Variants in MYO1C observed in about 807,000 individuals in gnomAD.
The protein encoded by MYO1C is unconventional myosin-Ic.
In MYO1C, 104 loss-of-function variants were observed where a neutral mutation model predicts 150.8. The observed-to-expected ratio is 0.69, with a 90% CI of 0.59 to 0.81. MYO1C has a LOEUF of 0.81. Ranked by LOEUF, MYO1C falls within the 30% of genes least tolerant of loss-of-function variation. The pLI, the probability that MYO1C is intolerant of heterozygous loss-of-function variation, is 0.00. For synonymous variants in MYO1C, 663 were observed against 579.9 expected (o/e 1.14, Z -2.06); for missense variants, 1,504 against 1,435.0 (o/e 1.05, Z -0.78).
Position 1,465,598 on chromosome 17 carries a change from G to A in MYO1C, c.*128C>T. The A allele has an allele frequency of 2.0e-6, 2 of 987,894 alleles. No homozygotes were observed. The highest frequency in any genetic ancestry group is 2.8e-6 in the Non-Finnish European group (2 of 722,934). 61.2% of individuals were successfully genotyped at this position (987,894 alleles called of 1,614,324 possible). ...TCAAGAGAGGGATGGGCAGGAGGTG[G>A]GAGATTGCAGGTGGGCTTCGGGGTG... On this transcript the variant is annotated 3_prime_UTR_variant, in exon 32 of 32. Transcript: ENST00000648651.
intron 14 of MYO1C, 120 bp downstream of exon 14, chr17:1,477,385 A>G: frequency 2.2e-6 from 2 of 905,834 alleles, no homozygotes; most frequent in South Asian, 1.4e-5. Flanking sequence ...TCCTTAACTC[A>G]GCACCGTCCC....
intron 17 of MYO1C, 85 bp from the exon 18 acceptor site, chr17:1,472,313 G>A (rs553695328): frequency 9.1e-5 from 107 of 1,177,986 alleles, no homozygotes; most frequent in Admixed American, 7.2e-4. Context: ...TCCCCTGGCT[G>A]GTGACGCGCG....
In MYO1C at chr17:1,485,912, G is replaced by A. The variant is rs972795824; in HGVS notation, c.76-1609C>T. On this transcript the variant is annotated intron_variant, in intron 1 of 31. Coordinates refer to ENST00000648651, the MANE Select transcript of MYO1C (RefSeq NM_001080779.2). The stretch of plus-strand genomic sequence containing the variant: ...CCCTCCAGGTGGGGTTGGTGGAGGT[G>A]GGGGTGTCGGGGCGGGGGGTCCGCG... The A allele has an allele frequency of 2.9e-3, 473 of 162,414 alleles. 1 individual carries two copies. Among genetic ancestry groups the A allele is most frequent in the Non-Finnish European group, 4.4e-3 (337 of 76,222 alleles). The allele number at this position is 162,414 out of a possible 1,614,324, so 10.1% of individuals were successfully genotyped here. A position where few individuals can be genotyped will look rare whatever the true frequency, so the allele number is the denominator to read the frequency against.
rs147233268 is a variant in MYO1C, at chr17:1,468,305, G to A, written c.2708C>T (p.Thr903Ile). 6.2e-7 allele frequency: 1 copy of A among 1,614,012 alleles called. No homozygotes were observed. Among genetic ancestry groups the A allele is most frequent in the Non-Finnish European group, 8.5e-7 (1 of 1,180,024 alleles). ...CAGCACTCGGGGGCTGATCTCATCT[G>A]TACCTGCAACTCAGATGGCGGGGAG... Reference protein sequence around the residue: ...PRLFISTRLGTDEISPRVLQA... With the variant: ...PRLFISTRLGIDEISPRVLQA... Residue 903 changes from threonine (T) to isoleucine (I), a missense_variant, in exon 27 of 32, where the codon ACA becomes ATA. Coordinates refer to ENST00000648651, the MANE Select transcript of MYO1C (RefSeq NM_001080779.2).
At position 1,472,024 on chromosome 17, in the gene MYO1C, C is replaced by T. The variant is rs750635346; in HGVS notation, c.1904G>A (p.Gly635Asp). 1.2e-6 allele frequency: 2 copies of T among 1,614,006 alleles called. No homozygotes were observed. Among genetic ancestry groups the T allele is most frequent in the South Asian group, 1.1e-5 (1 of 91,082 alleles). The change falls in exon 19 of 32, where the codon GGC becomes GAC. Residue 635 changes from glycine (G) to aspartate (D), a missense_variant and splice_region_variant. Physicochemically the swap from Gly to Asp is moderately conservative, Grantham distance 94. Coordinates refer to ENST00000648651, the MANE Select transcript of MYO1C (RefSeq NM_001080779.2). ...GCGGATCAGCACCTCGTCAAAGCGG[C>T]CTGGGGTAGGGGGAGCGCCGTGGTC... is the stretch of plus-strand genomic sequence containing the variant. Reference protein sequence around the residue: ...CIKPNDAKQPGRFDEVLIRHQ... With the variant: ...CIKPNDAKQPDRFDEVLIRHQ...
chr17:1,481,282 C>T (rs568347532), intron 5 of MYO1C: 4 of 266,000 alleles, frequency 1.5e-5, no homozygotes, highest in African/African-American at 8.8e-5. Context: ...TTCTCCAAAC[C>T]CTACATCCAA....
At chr17:1,470,087 T>C in intron 24 of MYO1C, 88 bp downstream of exon 24, 1 of 1,400,898 alleles carries the variant, frequency 7.1e-7, no homozygotes, top group Admixed American at 2.3e-5. Context: ...CCGTGAGCCC[T>C]CCCTGACCAA....
chr17:1,472,300 C>A, intron 17 of MYO1C, 72 bp from the exon 18 acceptor site: 1 of 1,355,840 alleles, frequency 7.4e-7, no homozygotes, highest in Admixed American at 1.7e-5. Context: ...GCGAGTACCC[C>A]ACTCCCCTGG....
intron 25 of MYO1C, chr17:1,469,250 G>A (rs1203904388): frequency 2.1e-6 from 1 of 478,288 alleles, no homozygotes; most frequent in Admixed American, 3.1e-5. Flanking sequence ...ACTATAGACG[G>A]GGTAAATACA....
At chr17:1,489,134 C>T (rs142193601) in intron 1 of MYO1C, among the ~76,000 whole-genome samples, 224 of 152,318 alleles carry the variant, frequency 1.5e-3, no homozygotes, top group Middle Eastern at 0.014. Flanking sequence ...GCTTGTCTCA[C>T]GGGTGGCACA....
rs746954374 is a variant in MYO1C, at chr17:1,470,223, C to T, written c.2478G>A (p.Gln826=). Residue 826 remains glutamine, a synonymous_variant, in exon 24 of 32, where the codon CAG becomes CAA. Coordinates refer to ENST00000648651, the MANE Select transcript of MYO1C (RefSeq NM_001080779.2). ...FLLNLRRQLP[Q]NVLDTSWPTP... ...TGGGCCACGAGGTGTCCAGGACATT[C>T]TGGGGCAGCTGCCGCCTCAGGTTTA... The T allele has an allele frequency of 5.2e-4, 834 of 1,611,468 alleles. No individual in the cohort carries two copies. The highest frequency in any genetic ancestry group is 6.7e-4 in the Non-Finnish European group (792 of 1,179,466).
At position 1,488,258 on chromosome 17, in the gene MYO1C, T is replaced by C. The variant is rs549470252; in HGVS notation, c.76-3955A>G. On this transcript the variant is annotated intron_variant, in intron 1 of 31. Transcript: ENST00000648651. ...GGGCCGCGCCGCCGCATTCCCGGGA[T>C]GCCCGCTGGCGCCCCCGCAGCCACC... Among the ~76,000 whole-genome samples the C allele has an allele frequency of 5.6e-3, 856 of 152,080 alleles. 8 individuals are homozygous for C. The highest frequency in any genetic ancestry group is 0.019 in the African/African-American group (806 of 41,524).
chr17:1,471,006 G>A, intron 21 of MYO1C, 65 bp downstream of exon 21: 2 of 1,543,236 alleles, frequency 1.3e-6, no homozygotes, highest in Non-Finnish European at 1.8e-6. Context: ...AGGAGCCCAA[G>A]GGAGTGACTT....
chr17:1,481,046 A>C, intron 5 of MYO1C, 161 bp from the exon 6 acceptor site: 1 of 672,248 alleles, frequency 1.5e-6, no homozygotes, highest in South Asian at 1.9e-5. Flanking sequence ...CCCACGCTGG[A>C]CTCAGTTACT....
Position 1,470,098 on chromosome 17 carries a change from T to A in MYO1C, c.2526+77A>T, listed in dbSNP as rs2074268037. On this transcript the variant is annotated intron_variant, in intron 24 of 31. Transcript: ENST00000648651. ...CCCTCCGTGAGCCCTCCCTGACCAA[T>A]CCTTTGGCCCGAAGAAATCAGACCC... The A allele has an allele frequency of 2.1e-6, 3 of 1,457,276 alleles. No individual in the cohort carries two copies. In the South Asian group the frequency reaches 4.0e-5, roughly 19 times the overall value. 90.3% of individuals were successfully genotyped at this position (1,457,276 alleles called of 1,614,324 possible).
chr17:1,465,794 G>A (rs199546718), intron 31 of MYO1C, 42 bp from the exon 32 acceptor site: 78 of 1,310,980 alleles, frequency 5.9e-5, no homozygotes, highest in Non-Finnish European at 5.5e-5. Context: ...GAGGGGAGCA[G>A]ACGGGGGCCC....
At position 1,467,873 on chromosome 17, in the gene MYO1C, C is replaced by T; in HGVS notation, c.2934G>A (p.Val978=). ...SVSSLSDSLF[V]LHVQRADNKQ... is the part of the protein sequence containing the mutation. Reference sequence around the variant, plus strand: ...TATTGTCCGCACGCTGTACATGAAGCACAAAAAGACTGTCGCTCAGGCTGC... The same window carrying T: ...TATTGTCCGCACGCTGTACATGAAGTACAAAAAGACTGTCGCTCAGGCTGC... The change falls in exon 29 of 32, where the codon GTG becomes GTA. Residue 978 remains valine (V), a synonymous_variant. Transcript: ENST00000648651. 6.2e-7 allele frequency: 1 copy of T among 1,610,064 alleles called. No individual in the cohort carries two copies. Among genetic ancestry groups the T allele is most frequent in the Non-Finnish European group, 8.5e-7 (1 of 1,179,278 alleles).
chr17:1,478,369 C>T lies in MYO1C; in HGVS notation c.1295+41G>A, dbSNP rs1183907610. 6.2e-7 allele frequency: 1 copy of T among 1,610,802 alleles called. No individual in the cohort carries two copies. Among genetic ancestry groups the T allele is most frequent in the African/African-American group, 1.3e-5 (1 of 74,854 alleles). On this transcript the variant is annotated intron_variant, in intron 11 of 31. Transcript: ENST00000648651. This position sits in a 1 kb window ranked among gnomAD's most constrained non-coding sequence, Gnocchi z 6.3. ...GGAGGACAGAAGAGAGGGAGCAGGACAGGAGACCGGGAGGAGAGACGGGGG... is the reference window on the plus strand; with the variant it reads ...GGAGGACAGAAGAGAGGGAGCAGGATAGGAGACCGGGAGGAGAGACGGGGG...
intron 3 of MYO1C, 86 bp downstream of exon 3, chr17:1,483,524 A>G (rs1205913993): frequency 3.1e-6 from 3 of 977,014 alleles, no homozygotes; most frequent in African/African-American, 1.6e-5. Context: ...GGACGCCAGG[A>G]TCATTTCAGA....
Sources: allele counts gnomAD v4.1 joint callset (sites outside exome capture counted in the v4.1 genomes callset), GRCh38; gene constraint gnomAD v4.1.1; non-coding constraint Gnocchi (gnomAD v3.1); transcripts MANE v1.5; gene names NCBI Gene and HGNC (gene_info 2026-07-23, HGNC 2026-07-21).